The following POLH variants were observed in gnomAD, a reference collection of about 807,000 sequenced individuals.
POLH encodes DNA polymerase eta, also known as DNA polymerase eta transcript.
Under a neutral mutation model 73.6 loss-of-function variants are expected in POLH, and 53 were observed. That is an observed-to-expected ratio of 0.72 (90% confidence interval 0.58 to 0.91). The LOEUF is 0.91. Ranked by LOEUF, POLH falls within the 40% of genes least tolerant of loss-of-function variation. POLH has a pLI of 0.00. For synonymous variants in POLH, 292 were observed against 308.5 expected (o/e 0.95, Z 0.56); for missense variants, 768 against 865.4 (o/e 0.89, Z 1.41).
At chr6:43,595,288 G>C (rs958308959) in intron 4 of POLH, among the ~76,000 whole-genome samples, 10 of 151,754 alleles carry the variant, frequency 6.6e-5, no homozygotes, top group South Asian at 6.2e-4. Context: ...GCACCACCAC[G>C]CCTGGCTAAT....
At chr6:43,582,196 T>C (rs1302610193) in intron 1 of POLH, 120 bp from the exon 2 acceptor site, 2 of 921,396 alleles carry the variant, frequency 2.2e-6, no homozygotes, top group Non-Finnish European at 3.6e-6. Flanking sequence ...TATTTCATTC[T>C]TGTTAGTTTC....
At chr6:43,590,933 A>G (rs1261052005) in intron 4 of POLH, 1 of 151,384 alleles carries the variant, frequency 6.6e-6, no homozygotes, top group Non-Finnish European at 1.5e-5. Context: ...CTCAAAAAAA[A>G]AAAAGAAAAA....
chr6:43,587,596 C>A, intron 4 of POLH, 107 bp downstream of exon 4: 1 of 801,450 alleles, frequency 1.2e-6, no homozygotes, highest in Non-Finnish European at 2.2e-6. Flanking sequence ...AAACTACAGC[C>A]TGAATGAATC....
rs543218593 is a variant in POLH at position 43,596,172 on chromosome 6, AAAG to A, written c.491-1518_491-1516del. 5.9e-5 allele frequency among the ~76,000 whole-genome samples: 9 copies of A among 152,332 alleles called. No homozygotes were observed. In the South Asian group the frequency reaches 1.9e-3, roughly 32 times the overall value. Reference sequence around the variant, plus strand: ...AAGTATAGATGTGTTTAAGCAAAGGAAAGAAGAACAGAGTTAAGGGGTAAGAGC... The same window carrying A: ...AAGTATAGATGTGTTTAAGCAAAGGAAAGAACAGAGTTAAGGGGTAAGAGC... On this transcript the variant is annotated intron_variant, in intron 4 of 10. Transcript: ENST00000372236.
chr6:43,602,812 T>G (rs552207014), intron 6 of POLH, among the ~76,000 whole-genome samples: 87 of 150,286 alleles, frequency 5.8e-4, no homozygotes, highest in Middle Eastern at 3.5e-3. Flanking sequence ...GGACCACAGC[T>G]GCATGCCACT....
rs9333509 is a variant in POLH, at chr6:43,582,802, C to T, written c.138-205C>T. Among the ~76,000 whole-genome samples, 1,767 of 152,328 alleles carry T rather than the reference C, an allele frequency of 0.012. 35 individuals are homozygous for T. Among genetic ancestry groups the T allele is most frequent in the African/African-American group, 0.04 (1,642 of 41,568 alleles). ...CCTCAAGCAGTCCTTCTGCCTTGGC[C>T]TCCCAAAGTACAGGAATTGCCAGCA... On this transcript the variant is annotated intron_variant, in intron 2 of 10. Coordinates refer to ENST00000372236, the MANE Select transcript of POLH (RefSeq NM_006502.3).
chr6:43,589,908 T>C (rs1199990083), intron 4 of POLH, among the ~76,000 whole-genome samples: 3 of 152,154 alleles, frequency 2.0e-5, no homozygotes, highest in Admixed American at 6.6e-5. Context: ...TGATTATTGA[T>C]GTGTTGGGAA....
chr6:43,613,400 G>C (rs143865784), intron 10 of POLH, among the ~76,000 whole-genome samples: 25 of 152,230 alleles, frequency 1.6e-4, no homozygotes, highest in African/African-American at 5.3e-4. Context: ...TAAATTAGTG[G>C]TTCTCAAGAC....
rs965153966 is a variant in POLH, at chr6:43,598,472, C to CA, written c.660+620dup. 4.1e-3 allele frequency among the ~76,000 whole-genome samples: 566 copies of CA among 138,174 alleles called. 3 individuals are homozygous for CA. The highest frequency in any genetic ancestry group is 9.1e-3 in the African/African-American group (344 of 37,696). 90.6% of individuals were successfully genotyped at this position (138,174 alleles called of 152,430 possible). On this transcript the variant is annotated intron_variant, in intron 5 of 10. Transcript: ENST00000372236. ...TAAAACACCATCTCTACTAAAAATA[C>CA]AAAAAAAAAAAAATTAGCCAGACAT... is the stretch of plus-strand genomic sequence containing the variant.
In POLH at chr6:43,614,555, T is replaced by C. The variant is rs1768199713; in HGVS notation, c.2140T>C (p.Ter714GlnextTer8). 1 of 1,612,710 alleles carries C rather than the reference T, an allele frequency of 6.2e-7. No homozygotes were observed. The highest frequency in any genetic ancestry group is 8.5e-7 in the Non-Finnish European group (1 of 1,179,250). ...LESFFKPLTH[*>Q] ...ATCATTTTTTAAGCCATTAACACAT[T>C]AGTGCTGCCCTCAGGCTTGCCTGTA... The change falls in exon 11 of 11, where the codon TAG becomes CAG. Residue 714 changes from the stop codon to glutamine, a stop_lost. Coordinates refer to ENST00000372236, the MANE Select transcript of POLH (RefSeq NM_006502.3).
intron 6 of POLH, among the ~76,000 whole-genome samples, chr6:43,601,718 G>A (rs1766754058): frequency 2.0e-5 from 3 of 152,074 alleles, no homozygotes. Flanking sequence ...GAGCCCAGGA[G>A]GTCAAAACCA....
chr6:43,579,487 G>T (rs1454610221), intron 1 of POLH, among the ~76,000 whole-genome samples: 1 of 152,216 alleles, frequency 6.6e-6, no homozygotes, highest in Admixed American at 6.5e-5. Context: ...AGTTCCTGGA[G>T]AGTGGTGTTC....
intron 4 of POLH, among the ~76,000 whole-genome samples, chr6:43,592,434 C>CTCTT (rs376402873): frequency 7.4e-6 from 1 of 135,812 alleles, no homozygotes; most frequent in Non-Finnish European, 1.5e-5. Flanking sequence ...GAGAGGGAGT[C>CTCTT]TCTTTCTCGC....
At chr6:43,606,016 G>A (rs1254571091) in intron 9 of POLH, among the ~76,000 whole-genome samples, 1 of 151,974 alleles carries the variant, frequency 6.6e-6, no homozygotes, top group Non-Finnish European at 1.5e-5. Flanking sequence ...AAGCCACCAC[G>A]CCCAGCCAGT....
chr6:43,587,655 A>G (rs780298533), intron 4 of POLH, among the ~76,000 whole-genome samples, 166 bp downstream of exon 4: 5 of 152,246 alleles, frequency 3.3e-5, no homozygotes, highest in Non-Finnish European at 7.3e-5. Flanking sequence ...CTTTCCAGGT[A>G]TATGGCTGTT....
chr6:43,582,424 A>T lies in POLH; in HGVS notation c.105A>T (p.Ala35=). Residue 35 remains alanine (A), a synonymous_variant, in exon 2 of 11, where the codon GCA becomes GCT. Coordinates refer to ENST00000372236, the MANE Select transcript of POLH (RefSeq NM_006502.3). ...QNPHLRNKPC[A]VVQYKSWKGG... is the part of the protein sequence containing the mutation. ...CTCATTTGAGGAATAAACCTTGTGCAGTTGTACAGTACAAATCATGGAAGG... is the reference window on the plus strand; with the variant it reads ...CTCATTTGAGGAATAAACCTTGTGCTGTTGTACAGTACAAATCATGGAAGG... 2 of 1,613,948 alleles carry T rather than the reference A, an allele frequency of 1.2e-6. No individual in the cohort carries two copies. The highest frequency in any genetic ancestry group is 1.7e-6 in the Non-Finnish European group (2 of 1,179,796).
rs899386218 is a variant in POLH at position 43,618,655 on chromosome 6, G to A, written c.*4098G>A. Among the ~76,000 whole-genome samples the A allele has an allele frequency of 2.0e-5, 3 of 151,892 alleles. No homozygotes were observed. The highest frequency in any genetic ancestry group is 4.4e-5 in the Non-Finnish European group (3 of 67,962). On this transcript the variant is annotated 3_prime_UTR_variant, in exon 11 of 11. Transcript: ENST00000372236. Reference sequence around the variant, plus strand: ...CCAAACTTCTATTTTTTTATGTGACGGAGTTTCTCTCATCGCCCCGGCTGG... The same window carrying A: ...CCAAACTTCTATTTTTTTATGTGACAGAGTTTCTCTCATCGCCCCGGCTGG...
intron 1 of POLH, among the ~76,000 whole-genome samples, chr6:43,580,844 C>T (rs1366705194): frequency 9.8e-4 from 142 of 145,488 alleles, no homozygotes; most frequent in Admixed American, 3.5e-3. Flanking sequence ...GGCGGCCGGG[C>T]AGAGGCGCCC....
chr6:43,586,183 A>G (rs1219020845), intron 3 of POLH, among the ~76,000 whole-genome samples: 1 of 152,210 alleles, frequency 6.6e-6, no homozygotes, highest in East Asian at 1.9e-4. Flanking sequence ...AAGGAAAGCA[A>G]ATATCTGTAT....
Sources: gnomAD v4.1 joint callset for allele counts (sites outside exome capture counted in the v4.1 genomes callset) on GRCh38, gnomAD v4.1.1 for gene constraint, MANE v1.5 for transcripts, NCBI Gene and HGNC (gene_info 2026-07-23, HGNC 2026-07-21) for gene names.